Variants in ANAPC1 observed in about 807,000 individuals in gnomAD.
ANAPC1 encodes anaphase-promoting complex subunit 1.
ANAPC1 carries 36 observed loss-of-function variants against 208.0 expected under a neutral mutation model. The ratio of observed to expected loss-of-function variants is 0.17; its 90% confidence interval spans 0.13 to 0.23. ANAPC1 has a LOEUF of 0.23. Ranked by LOEUF, ANAPC1 falls within the 10% of genes least tolerant of loss-of-function variation. ANAPC1 has a pLI of 1.00. For missense variants in ANAPC1, 942 were observed against 2,011.6 expected (o/e 0.47, Z 10.17); for synonymous variants, 378 against 695.2 (o/e 0.54, Z 7.18).
At position 111,834,682 on chromosome 2, in the gene ANAPC1, A is replaced by C; in HGVS notation, c.2306T>G (p.Val769Gly). 2.5e-6 allele frequency: 4 copies of C among 1,613,700 alleles called. No individual in the cohort carries two copies. The highest frequency in any genetic ancestry group is 3.4e-6 in the Non-Finnish European group (4 of 1,179,800). ...AGTATTCAACTTAAGCTCCTCATAC[A>C]CAAGGTGAAGAACGAAAAAAATTGC... The part of the protein sequence containing the change: ...IPAIFFVLHL[V>G]YEELKLNTLM... The change falls in exon 19 of 48, where the codon GTG becomes GGG. Residue 769 changes from valine (V) to glycine (G), a missense_variant. Val to Gly is a moderately radical substitution (Grantham distance 109). Transcript: ENST00000341068.
At chr2:111,882,672 G>A (rs1484058648) in intron 1 of ANAPC1, among the ~76,000 whole-genome samples, 1 of 151,634 alleles carries the variant, frequency 6.6e-6, no homozygotes, top group Non-Finnish European at 1.5e-5. Context: ...GGGAGGCAGA[G>A]GTTGCAGTGA....
intron 37 of ANAPC1, among the ~76,000 whole-genome samples, 165 bp from the exon 38 acceptor site, chr2:111,792,720 AGGCG>A (rs1677944327): frequency 6.6e-6 from 1 of 152,006 alleles, no homozygotes; most frequent in Admixed American, 6.5e-5. Context: ...TGGGAGGCCA[AGGCG>A]GGCGGATCAC....
At chr2:111,806,013 A>G (rs1298497853) in intron 29 of ANAPC1, 120 bp from the exon 30 acceptor site, 1 of 504,958 alleles carries the variant, frequency 2.0e-6, no homozygotes, top group African/African-American at 2.0e-5. Flanking sequence ...AACTCCATTC[A>G]GAAAGTTATG....
chr2:111,854,789 T>A (rs1299652440), intron 13 of ANAPC1, among the ~76,000 whole-genome samples: 2 of 152,232 alleles, frequency 1.3e-5, no homozygotes, highest in Non-Finnish European at 2.9e-5. Flanking sequence ...GACTTCAGCA[T>A]AAGGGAATGT....
intron 1 of ANAPC1, among the ~76,000 whole-genome samples, chr2:111,882,199 AGC>A (rs1437211118): frequency 6.6e-6 from 1 of 151,028 alleles, no homozygotes; most frequent in South Asian, 2.1e-4. Flanking sequence ...AAAAACCAAA[AGC>A]AAAAAAAAAA....
rs191952926 is a variant in ANAPC1 at position 111,876,860 on chromosome 2, G to C, written c.375+1950C>G. ...CATTAGTCAAAGCCTCCAAAACCTC[G>C]TCAACCCTAATTCAACTACAATAAA... On this transcript the variant is annotated intron_variant, in intron 3 of 47. Transcript: ENST00000341068. Among the ~76,000 whole-genome samples the C allele has an allele frequency of 1.6e-3, 40 of 24,954 alleles. No homozygotes were observed. The East Asian group carries it at 0.039, about 24-fold the overall frequency. The allele number at this position is 24,954 out of a possible 152,430, so 16.4% of individuals were successfully genotyped here.
At chr2:111,791,961 T>C (rs1162036534) in intron 38 of ANAPC1, among the ~76,000 whole-genome samples, 3 of 150,796 alleles carry the variant, frequency 2.0e-5, no homozygotes, top group African/African-American at 7.3e-5. Flanking sequence ...TAGTCAGGAA[T>C]GGCACATGTT....
intron 29 of ANAPC1, among the ~76,000 whole-genome samples, chr2:111,807,361 A>C (rs1355793932): frequency 6.6e-6 from 1 of 150,780 alleles, no homozygotes; most frequent in Non-Finnish European, 1.5e-5. Context: ...ATTACACAAA[A>C]TTTGTTTTAA....
At chr2:111,874,191 T>C (rs1194018467) in intron 3 of ANAPC1, among the ~76,000 whole-genome samples, 1 of 152,228 alleles carries the variant, frequency 6.6e-6, no homozygotes, top group Non-Finnish European at 1.5e-5. Flanking sequence ...TATTAAACTT[T>C]AACTGACATA....
chr2:111,791,434 T>C (rs952788759), intron 38 of ANAPC1, among the ~76,000 whole-genome samples: 1 of 150,066 alleles, frequency 6.7e-6, no homozygotes, highest in African/African-American at 2.5e-5. Flanking sequence ...CACAGTTCTA[T>C]ATACAACAAA....
At chr2:111,856,432 C>T in intron 13 of ANAPC1, 182 bp downstream of exon 13, 1 of 627,778 alleles carries the variant, frequency 1.6e-6, no homozygotes, top group South Asian at 2.0e-5. Flanking sequence ...GAGCCATAGC[C>T]CTCCAAATTA....
In ANAPC1 at chr2:111,794,299, T is replaced by C; in HGVS notation, c.4398A>G (p.Ala1466=). Residue 1466 remains alanine (A), a synonymous_variant, in exon 36 of 48, where the codon GCA becomes GCG. Coordinates refer to ENST00000341068, the MANE Select transcript of ANAPC1 (RefSeq NM_022662.4). Reference sequence around the variant, plus strand: ...GAAAACCCAGAGACAAGCAGGCTCCTGCAATTATGTAGACATGTGCTTGGC... The same window carrying C: ...GAAAACCCAGAGACAAGCAGGCTCCCGCAATTATGTAGACATGTGCTTGGC... ...TLSQAHVYII[A]GACLSLGFRF... is the part of the protein sequence containing the mutation. 5 of 1,612,944 alleles carry C rather than the reference T, an allele frequency of 3.1e-6. No homozygotes were observed. The highest frequency in any genetic ancestry group is 4.2e-6 in the Non-Finnish European group (5 of 1,179,520).
At chr2:111,839,285 T>G (rs1680634449) in intron 17 of ANAPC1, among the ~76,000 whole-genome samples, 1 of 152,260 alleles carries the variant, frequency 6.6e-6, no homozygotes, top group African/African-American at 2.4e-5. Context: ...CAGACATTTT[T>G]ATTGTGTTTG....
chr2:111,876,187 C>G (rs1573521128), intron 3 of ANAPC1, among the ~76,000 whole-genome samples: 2 of 151,540 alleles, frequency 1.3e-5, no homozygotes, highest in Middle Eastern at 3.4e-3. Flanking sequence ...CCCAGGGGTT[C>G]AAGACCAGCC....
rs747889136 is a variant in ANAPC1 at position 111,862,406 on chromosome 2, T to C, written c.1245A>G (p.Glu415=). The C allele has an allele frequency of 4.4e-6, 7 of 1,573,874 alleles. No individual in the cohort carries two copies. The African/African-American group carries it at 8.2e-5, about 18-fold the overall frequency. The change falls in exon 10 of 48, where the codon GAA becomes GAG. Residue 415 remains glutamate, a synonymous_variant. Coordinates refer to ENST00000341068, the MANE Select transcript of ANAPC1 (RefSeq NM_022662.4). ...TAACAAACCTTATATTAGTAATCGT[T>C]TCTGTCCACAAATGGTCAATACACA... The part of the protein sequence containing the change: ...PELCIDHLWT[E]TITNIREKNS...
At chr2:111,831,698 G>A (rs534643277) in intron 20 of ANAPC1, among the ~76,000 whole-genome samples, 21 of 151,476 alleles carry the variant, frequency 1.4e-4, no homozygotes, top group African/African-American at 4.8e-4. Flanking sequence ...AAAATTAGCT[G>A]GGCCTAGTGG....
intron 13 of ANAPC1, among the ~76,000 whole-genome samples, chr2:111,853,143 T>C (rs1681502698): frequency 5.3e-5 from 8 of 152,212 alleles, no homozygotes; most frequent in Non-Finnish European, 7.3e-5. Context: ...TCATTTTTTT[T>C]TCCCACTTTA....
chr2:111,792,908 G>A (rs1376342075), intron 37 of ANAPC1, among the ~76,000 whole-genome samples: 5 of 152,098 alleles, frequency 3.3e-5, no homozygotes, highest in South Asian at 4.1e-4. Flanking sequence ...AGCCGAGATC[G>A]CGCCACTGCA....
At chr2:111,869,541 C>T (rs182632176) in intron 6 of ANAPC1, among the ~76,000 whole-genome samples, 12 of 152,232 alleles carry the variant, frequency 7.9e-5, no homozygotes, top group Admixed American at 1.3e-4. Flanking sequence ...CCACCGCGCC[C>T]GGCCAAATCT....
Sources: allele counts gnomAD v4.1 joint callset (sites outside exome capture counted in the v4.1 genomes callset), GRCh38; gene constraint gnomAD v4.1.1; transcripts MANE v1.5; gene names NCBI Gene and HGNC (gene_info 2026-07-23, HGNC 2026-07-21).